The following DDX46 variants were observed in gnomAD, a reference collection of about 807,000 sequenced individuals.
DDX46 encodes probable ATP-dependent RNA helicase DDX46.
A neutral mutation model predicts 134.9 loss-of-function variants in DDX46; 30 were observed. The ratio of observed to expected loss-of-function variants is 0.22; its 90% CI spans 0.17 to 0.30. The LOEUF (loss-of-function observed/expected upper bound fraction) is 0.30. Ranked by LOEUF, DDX46 falls within the 10% of genes least tolerant of loss-of-function variation. DDX46 has a pLI of 1.00. For synonymous variants in DDX46, 415 were observed against 404.1 expected (o/e 1.03, Z -0.32); for missense variants, 622 against 1,248.7 (o/e 0.50, Z 7.56).
chr5:134,803,686 C>A (rs780713170), intron 15 of DDX46, among the ~76,000 whole-genome samples: 1 of 152,140 alleles, frequency 6.6e-6, no homozygotes, highest in Non-Finnish European at 1.5e-5. Flanking sequence ...GGTGTCTTTA[C>A]GTAGTTGCTC....
Position 134,773,676 on chromosome 5 carries a change from C to T in DDX46, c.448-20C>T. On this transcript the variant is annotated intron_variant, in intron 4 of 22. Transcript: ENST00000452510. ...GCTTTTTATTTTCCCCCATCTCTTT[C>T]TTTCTTTTATTCCCCCAAGAACTTT... The T allele has an allele frequency of 6.4e-7, 1 of 1,554,614 alleles. No homozygotes were observed. The highest frequency in any genetic ancestry group is 1.4e-5 in the African/African-American group (1 of 72,080).
At chr5:134,815,707 A>AG (rs1755270514) in intron 18 of DDX46, among the ~76,000 whole-genome samples, 1 of 65,200 alleles carries the variant, frequency 1.5e-5, no homozygotes, top group Non-Finnish European at 2.6e-5. Context: ...ACTCTGTCTC[A>AG]AAAAAAAAAA....
intron 9 of DDX46, 40 bp downstream of exon 9, chr5:134,783,105 TG>T (rs1199001796): frequency 1.2e-6 from 2 of 1,605,456 alleles, no homozygotes; most frequent in African/African-American, 2.7e-5. Context: ...CGTGTCTTGC[TG>T]CTCAAAATAG....
intron 1 of DDX46, among the ~76,000 whole-genome samples, chr5:134,762,742 T>A (rs543015753): frequency 2.7e-5 from 4 of 146,266 alleles, no homozygotes; most frequent in South Asian, 2.2e-4. Flanking sequence ...TCAAAAAAAA[T>A]AAATAAAATA....
At chr5:134,802,192 TTTC>T (rs1312225822) in intron 15 of DDX46, among the ~76,000 whole-genome samples, 1 of 150,202 alleles carries the variant, frequency 6.7e-6, no homozygotes, top group African/African-American at 2.4e-5. Flanking sequence ...GAGATGGAGT[TTTC>T]TTCTTGTTGC....
chr5:134,804,593 C>T (rs1754928114), intron 15 of DDX46, among the ~76,000 whole-genome samples: 1 of 152,100 alleles, frequency 6.6e-6, no homozygotes, highest in African/African-American at 2.4e-5. Flanking sequence ...CGTGTGCCAC[C>T]ACACCAGGCT....
At chr5:134,764,182 A>G (rs1753485466) in intron 2 of DDX46, 90 bp downstream of exon 2, 2 of 1,337,450 alleles carry the variant, frequency 1.5e-6, no homozygotes, top group Middle Eastern at 5.5e-4. Context: ...TTTCAACTGG[A>G]GTTTGGTGGC....
At chr5:134,799,509 G>A (rs995581428) in intron 15 of DDX46, among the ~76,000 whole-genome samples, 2 of 151,884 alleles carry the variant, frequency 1.3e-5, no homozygotes, top group African/African-American at 4.8e-5. Flanking sequence ...AGGTTGAGGC[G>A]GGTGGATCAC....
At chr5:134,790,262 A>G (rs1754464034) in intron 12 of DDX46, 9 of 633,160 alleles carry the variant, frequency 1.4e-5, no homozygotes, top group Non-Finnish European at 2.6e-5. Context: ...AGGGCCTCAT[A>G]TACCCATTGT....
chr5:134,785,411 A>G (rs1408416311), intron 10 of DDX46, 54 bp from the exon 11 acceptor site: 2 of 1,579,450 alleles, frequency 1.3e-6, no homozygotes, highest in Admixed American at 1.9e-5. Context: ...AACACTATAA[A>G]GCACAGCCTT....
intron 5 of DDX46, among the ~76,000 whole-genome samples, chr5:134,776,718 C>T (rs1161498731): frequency 6.6e-6 from 1 of 151,764 alleles, no homozygotes; most frequent in Non-Finnish European, 1.5e-5. Flanking sequence ...AGTTCGAGAC[C>T]AGCCTGACAA....
chr5:134,797,357 G>C (rs1349229151), intron 15 of DDX46, among the ~76,000 whole-genome samples: 1 of 152,038 alleles, frequency 6.6e-6, no homozygotes, highest in Non-Finnish European at 1.5e-5. Context: ...TATATATCTA[G>C]TCTCTGTTTC....
At chr5:134,800,176 G>T (rs987471918) in intron 15 of DDX46, among the ~76,000 whole-genome samples, 3 of 152,158 alleles carry the variant, frequency 2.0e-5, no homozygotes, top group African/African-American at 7.2e-5. Flanking sequence ...TCAAACGCCT[G>T]ACCTCAAGTG....
At chr5:134,795,875 A>G in intron 14 of DDX46, 113 bp from the exon 15 acceptor site, 2 of 977,472 alleles carry the variant, frequency 2.0e-6, no homozygotes. Context: ...AGCCCTTGGT[A>G]AAGATATAGC....
At chr5:134,776,827 C>T (rs951117265) in intron 5 of DDX46, among the ~76,000 whole-genome samples, 2 of 151,238 alleles carry the variant, frequency 1.3e-5, no homozygotes, top group African/African-American at 2.4e-5. Context: ...GCAGGAGAAT[C>T]GCTTGAACCC....
chr5:134,781,866 AC>A, intron 7 of DDX46, 54 bp from the exon 8 acceptor site: 1 of 1,513,318 alleles, frequency 6.6e-7, no homozygotes, highest in Non-Finnish European at 9.0e-7. Context: ...ATTGCTTCCC[AC>A]AAGGGGAAAA....
rs185537616 is a variant in DDX46, at chr5:134,778,527, A to G, written c.765+802A>G. ...CCCGCTACAAGCCCCTGGCTTGCCT[A>G]GTGATTGGAAAATACCATTTAGTAG... is the stretch of plus-strand genomic sequence containing the variant. On this transcript the variant is annotated intron_variant, in intron 6 of 22. Transcript: ENST00000452510. Among the ~76,000 whole-genome samples the G allele has an allele frequency of 6.6e-5, 10 of 152,160 alleles. No individual in the cohort carries two copies. In the East Asian group the frequency reaches 1.9e-3, roughly 29 times the overall value.
rs1310070792 is a variant in DDX46 at position 134,790,481 on chromosome 5, A to G, written c.1555A>G (p.Asn519Asp). 4 of 1,611,588 alleles carry G rather than the reference A, an allele frequency of 2.5e-6. No individual in the cohort carries two copies. Among genetic ancestry groups the G allele is most frequent in the Non-Finnish European group, 1.7e-6 (2 of 1,179,466 alleles). ...TCTTTTCATCTTAGGTCGGGTCACA[A>G]ATCTTCGAAGAGTGACATATGTTGT... ...MLAANSGRVT[N>D]LRRVTYVVLD... Residue 519 changes from asparagine (N) to aspartate (D), a missense_variant, in exon 13 of 23, where the codon AAT (asparagine) becomes GAT (aspartate). Physicochemically the swap from Asn to Asp is conservative, Grantham distance 23. Around this residue, in one of 8 missense-constraint regions of DDX46, gnomAD observed 209 missense variants for 508.4 expected, o/e 0.41. Transcript: ENST00000452510.
At chr5:134,777,149 C>T (rs1230725436) in intron 5 of DDX46, among the ~76,000 whole-genome samples, 2 of 152,004 alleles carry the variant, frequency 1.3e-5, no homozygotes, top group South Asian at 2.1e-4. Context: ...ACCTGGGAGG[C>T]GGAGCTTGCA....
Sources: allele counts gnomAD v4.1 joint callset (sites outside exome capture counted in the v4.1 genomes callset), GRCh38; gene constraint gnomAD v4.1.1; regional missense constraint gnomAD v4.1.1; transcripts MANE v1.5; gene names NCBI Gene and HGNC (gene_info 2026-07-23, HGNC 2026-07-21).